The following WDR7 variants were observed in gnomAD, a reference collection of about 807,000 sequenced individuals.
WDR7 encodes WD repeat domain 7, also known as WD repeat-containing protein 7.
A neutral mutation model predicts 169.4 loss-of-function variants in WDR7; 46 were observed. That is an observed-to-expected ratio of 0.27 (90% CI 0.21 to 0.35). The LOEUF (loss-of-function observed/expected upper bound fraction) is 0.35. Ranked by LOEUF, WDR7 falls within the 10% of genes least tolerant of loss-of-function variation. The probability of loss-of-function intolerance (pLI) is 1.00; values close to 1 mark genes in which losing one functional copy is unlikely to be tolerated. For synonymous variants in WDR7, 612 were observed against 666.8 expected, an observed-to-expected ratio of 0.92 and a Z score of 1.27; for missense variants, 1,534 against 1,859.3, an observed-to-expected ratio of 0.83 and a Z score of 3.22.
chr18:56,875,302 G>A (rs930235068), intron 20 of WDR7, among the ~76,000 whole-genome samples: 5 of 152,066 alleles, frequency 3.3e-5, no homozygotes, highest in Admixed American at 6.5e-5. Context: ...TCCACTTCCC[G>A]TGTCTTCTGT....
intron 26 of WDR7, among the ~76,000 whole-genome samples, chr18:57,006,607 T>A (rs1423376674): frequency 5.9e-5 from 9 of 152,206 alleles, no homozygotes; most frequent in Admixed American, 3.9e-4. Context: ...CTCTAAAATT[T>A]AATTTTAGTG....
chr18:56,904,133 G>A (rs555016417), intron 21 of WDR7, among the ~76,000 whole-genome samples: 10 of 151,446 alleles, frequency 6.6e-5, no homozygotes, highest in South Asian at 2.1e-4. Flanking sequence ...GCAGTGGCGC[G>A]ATCTCAGCTC....
intron 20 of WDR7, among the ~76,000 whole-genome samples, chr18:56,855,085 A>G (rs897189601): frequency 1.3e-5 from 2 of 152,226 alleles, no homozygotes; most frequent in African/African-American, 2.4e-5. Context: ...TCTACATTCT[A>G]TCCAACGCTT....
At chr18:56,866,508 CGAAA>C (rs1568238112) in intron 20 of WDR7, among the ~76,000 whole-genome samples, 4 of 151,684 alleles carry the variant, frequency 2.6e-5, no homozygotes, top group Non-Finnish European at 4.4e-5. Flanking sequence ...TAACATATTT[CGAAA>C]GATTTTTTTT....
At chr18:56,679,947 TTAAA>T (rs1179747494) in intron 3 of WDR7, among the ~76,000 whole-genome samples, 2 of 152,246 alleles carry the variant, frequency 1.3e-5, no homozygotes, top group Non-Finnish European at 2.9e-5. Context: ...CCCAATGTTA[TTAAA>T]TGTTTAAAAA....
At chr18:56,689,833 G>T (rs1160954776) in intron 7 of WDR7, among the ~76,000 whole-genome samples, 1 of 151,382 alleles carries the variant, frequency 6.6e-6, no homozygotes, top group Non-Finnish European at 1.5e-5. Context: ...TGCTTTAACA[G>T]ATAATAGGGC....
intron 21 of WDR7, among the ~76,000 whole-genome samples, chr18:56,917,897 G>T (rs1599156682): frequency 6.6e-6 from 1 of 152,066 alleles, no homozygotes; most frequent in East Asian, 1.9e-4. Context: ...CTTAAGAAAT[G>T]TAAAAATTTG....
intron 26 of WDR7, among the ~76,000 whole-genome samples, chr18:56,964,454 C>T (rs2047379277): frequency 6.6e-6 from 1 of 152,048 alleles, no homozygotes; most frequent in South Asian, 2.1e-4. Context: ...TCACTGCAAC[C>T]TCTTCCTTGA....
At chr18:56,929,549 A>G (rs1253679912) in intron 22 of WDR7, among the ~76,000 whole-genome samples, 1 of 152,212 alleles carries the variant, frequency 6.6e-6, no homozygotes, top group Non-Finnish European at 1.5e-5. Flanking sequence ...CAGATTAAAC[A>G]ACTTGGCTGA....
chr18:57,000,949 G>A (rs2047967586), intron 26 of WDR7, among the ~76,000 whole-genome samples: 2 of 152,116 alleles, frequency 1.3e-5, no homozygotes, highest in Middle Eastern at 3.4e-3. Context: ...GTGAATCCCA[G>A]CACTTTAGGA....
chr18:56,809,933 G>C (rs1356194866), intron 19 of WDR7, among the ~76,000 whole-genome samples: 3 of 151,840 alleles, frequency 2.0e-5, no homozygotes, highest in Admixed American at 6.6e-5. Context: ...CCTCTTTATA[G>C]TCAATCCTTT....
intron 17 of WDR7, among the ~76,000 whole-genome samples, chr18:56,777,285 G>A (rs1384228657): frequency 6.6e-6 from 1 of 152,190 alleles, no homozygotes; most frequent in African/African-American, 2.4e-5. Flanking sequence ...GTTAGAGGGA[G>A]TTGTGAGGGA....
intron 21 of WDR7, among the ~76,000 whole-genome samples, chr18:56,883,614 T>TA (rs1178272202): frequency 6.6e-6 from 1 of 151,922 alleles, no homozygotes; most frequent in Non-Finnish European, 1.5e-5. Context: ...CCCATCACCC[T>TA]ACCAGTGCAC....
At chr18:56,655,761 T>C (rs2024754241) in intron 1 of WDR7, among the ~76,000 whole-genome samples, 1 of 152,208 alleles carries the variant, frequency 6.6e-6, no homozygotes, top group East Asian at 1.9e-4. Flanking sequence ...TCTATCTCTA[T>C]AATTTTGTCA....
At chr18:56,907,347 T>C (rs1204117643) in intron 21 of WDR7, among the ~76,000 whole-genome samples, 2 of 152,146 alleles carry the variant, frequency 1.3e-5, no homozygotes, top group African/African-American at 2.4e-5. Flanking sequence ...ACAACAGTTA[T>C]AATGACAATA....
chr18:57,010,065 C>A, intron 26 of WDR7: 1 of 985,426 alleles, frequency 1.0e-6, no homozygotes, highest in Non-Finnish European at 1.2e-6. Context: ...CCTGAAATGT[C>A]TAGAAAGGGT....
intron 26 of WDR7, among the ~76,000 whole-genome samples, chr18:56,987,774 C>T (rs1191766537): frequency 2.0e-5 from 3 of 152,192 alleles, no homozygotes; most frequent in South Asian, 2.1e-4. Flanking sequence ...TTGTTAAAAT[C>T]GTACATGGTG....
chr18:56,805,620 C>A (rs931359142), intron 19 of WDR7, among the ~76,000 whole-genome samples: 5 of 152,002 alleles, frequency 3.3e-5, no homozygotes, highest in Non-Finnish European at 7.4e-5. Flanking sequence ...AATTCCTGAA[C>A]TATTCTGATG....
At chr18:56,722,976 A>C (rs926156344) in intron 13 of WDR7, among the ~76,000 whole-genome samples, 2 of 152,174 alleles carry the variant, frequency 1.3e-5, no homozygotes. Context: ...CTTGCTTCAT[A>C]TTAATGTCTT....
Sources: allele counts gnomAD v4.1 joint callset (sites outside exome capture counted in the v4.1 genomes callset), GRCh38; gene constraint gnomAD v4.1.1; transcripts MANE v1.5; gene names NCBI Gene and HGNC (gene_info 2026-07-23, HGNC 2026-07-21).